OBI1: variants seen among roughly 807,000 people sequenced by gnomAD.
OBI1 encodes ring finger protein 219.
Under a neutral mutation model 62.4 loss-of-function variants are expected in OBI1, and 59 were observed. The ratio of observed to expected loss-of-function variants is 0.95; its 90% CI spans 0.77 to 1.17. The LOEUF is 1.17. OBI1 is among the 50% of genes most tolerant of loss of function. OBI1 has a pLI of 0.00. For synonymous variants in OBI1, 302 were observed against 292.8 expected (o/e 1.03, Z -0.32); for missense variants, 875 against 830.9 (o/e 1.05, Z -0.65).
At chr13:78,634,121 CA>C (rs570807043) in intron 5 of OBI1, among the ~76,000 whole-genome samples, 28 of 145,080 alleles carry the variant, frequency 1.9e-4, no homozygotes, top group African/African-American at 5.8e-4. Context: ...AAACAAACAA[CA>C]AAAAAAAACA....
At chr13:78,648,642 G>A (rs748365262) in intron 1 of OBI1, among the ~76,000 whole-genome samples, 3 of 152,092 alleles carry the variant, frequency 2.0e-5, no homozygotes, top group East Asian at 1.9e-4. Flanking sequence ...GGTCGGGCAC[G>A]GTGGCTCACT....
chr13:78,659,148 G>T lies in OBI1; in HGVS notation c.-28C>A. The stretch of plus-strand genomic sequence containing the variant: ...CAGCGTTCAGAATCCCGCCAACACG[G>T]AAGTCCCGCCGACCTACCGCTACTC... On this transcript the variant is annotated 5_prime_UTR_variant, in exon 1 of 6. Coordinates refer to ENST00000282003, the MANE Select transcript of OBI1 (RefSeq NM_024546.4). The T allele has an allele frequency of 6.2e-7, 1 of 1,604,606 alleles. No individual in the cohort carries two copies. The highest frequency in any genetic ancestry group is 8.5e-7 in the Non-Finnish European group (1 of 1,174,940).
rs1875217212 is a variant in OBI1 at position 78,615,222 on chromosome 13, C to G, written c.*358G>C. On this transcript the variant is annotated 3_prime_UTR_variant, in exon 6 of 6. Coordinates refer to ENST00000282003, the MANE Select transcript of OBI1 (RefSeq NM_024546.4). Reference sequence around the variant, plus strand: ...CTTATCAACAGGCCACTGTATCTAACAGTTAAATAACATTTTTTAAAAAAA... The same window carrying G: ...CTTATCAACAGGCCACTGTATCTAAGAGTTAAATAACATTTTTTAAAAAAA... 5.8e-6 allele frequency: 1 copy of G among 173,060 alleles called. No individual in the cohort carries two copies. The highest frequency in any genetic ancestry group is 1.2e-5 in the Non-Finnish European group (1 of 81,382). The allele number at this position is 173,060 out of a possible 1,614,324, so 10.7% of individuals were successfully genotyped here. A position where few individuals can be genotyped will look rare whatever the true frequency, so the allele number is the denominator to read the frequency against.
chr13:78,649,581 T>C (rs758384486), intron 1 of OBI1, among the ~76,000 whole-genome samples: 21 of 152,212 alleles, frequency 1.4e-4, no homozygotes, highest in Non-Finnish European at 1.5e-5. Context: ...AATTCTTTCA[T>C]GTTTTGCTGT....
At chr13:78,645,687 G>C (rs1033195498) in intron 1 of OBI1, among the ~76,000 whole-genome samples, 1 of 151,774 alleles carries the variant, frequency 6.6e-6, no homozygotes, top group Non-Finnish European at 1.5e-5. Flanking sequence ...GTCTCGCTCT[G>C]TTACCCAGGC....
chr13:78,654,044 A>C (rs1876624366), intron 1 of OBI1, among the ~76,000 whole-genome samples: 1 of 151,428 alleles, frequency 6.6e-6, no homozygotes, highest in South Asian at 2.1e-4. Context: ...AAAAAAAAAA[A>C]AAACCTGTGT....
chr13:78,642,284 T>C, intron 2 of OBI1, 71 bp from the exon 3 acceptor site: 5 of 934,226 alleles, frequency 5.4e-6, no homozygotes, highest in Non-Finnish European at 8.5e-6. Context: ...TCCTTTTTCA[T>C]ATTGTTTTAT....
rs1011726545 is a variant in OBI1 at position 78,645,711 on chromosome 13, C to T, written c.73-714G>A. ...TGTTACCCAGGCTGGAGTACAGTGG[C>T]ACCATCTAGGCTCACTGCAACCTCT... On this transcript the variant is annotated intron_variant, in intron 1 of 5. Transcript: ENST00000282003. Among the ~76,000 whole-genome samples the T allele has an allele frequency of 5.3e-5, 8 of 152,220 alleles. 1 individual carries two copies. The highest frequency in any genetic ancestry group is 1.5e-5 in the Non-Finnish European group (1 of 68,020).
rs1172750294 is a variant in OBI1, at chr13:78,617,108, G to A, written c.653C>T (p.Ala218Val). The A allele has an allele frequency of 6.4e-7, 1 of 1,555,420 alleles. No homozygotes were observed. The highest frequency in any genetic ancestry group is 1.4e-5 in the African/African-American group (1 of 72,356). ...TACTTTGGACTGAAGAGCAGCAACT[G>A]CAAACCTTCCAAACCTACAAAGAAT... Reference protein sequence around the residue: ...NRSPQKFGRFAVAALQSKVEQ... With the variant: ...NRSPQKFGRFVVAALQSKVEQ... The change falls in exon 6 of 6, where the codon GCA (alanine) becomes GTA (valine). Residue 218 changes from alanine (A) to valine (V), a missense_variant. Physicochemically the swap from Ala to Val is moderately conservative, Grantham distance 64. Coordinates refer to ENST00000282003, the MANE Select transcript of OBI1 (RefSeq NM_024546.4).
At chr13:78,655,797 G>A (rs1410082066) in intron 1 of OBI1, among the ~76,000 whole-genome samples, 1 of 152,152 alleles carries the variant, frequency 6.6e-6, no homozygotes, top group Non-Finnish European at 1.5e-5. Flanking sequence ...TAGGCACGAA[G>A]GACCTTAGGA....
At chr13:78,633,911 C>CA (rs1458826668) in intron 5 of OBI1, among the ~76,000 whole-genome samples, 1 of 151,638 alleles carries the variant, frequency 6.6e-6, no homozygotes, top group African/African-American at 2.4e-5. Flanking sequence ...ACTAAAAATA[C>CA]AAAAAATTAG....
chr13:78,639,594 A>G (rs1876144244), intron 3 of OBI1, among the ~76,000 whole-genome samples: 1 of 147,578 alleles, frequency 6.8e-6, no homozygotes, highest in South Asian at 2.2e-4. Flanking sequence ...AACCAACCCA[A>G]ATGTCCAACA....
Position 78,616,578 on chromosome 13 carries a change from G to A in OBI1, c.1183C>T (p.Leu395Phe). The change falls in exon 6 of 6, where the codon CTT becomes TTT. Residue 395 changes from leucine (L) to phenylalanine (F), a missense_variant. Coordinates refer to ENST00000282003, the MANE Select transcript of OBI1 (RefSeq NM_024546.4). ...DLPAPCTPLS[L>F]SCLQLSTPEN... ...GGAGTACTGAGCTGAAGGCAACTAAGGGACAAAGGAGTACAAGGAGCTGGA... is the reference window on the plus strand; with the variant it reads ...GGAGTACTGAGCTGAAGGCAACTAAAGGACAAAGGAGTACAAGGAGCTGGA... 1 of 1,614,094 alleles carries A rather than the reference G, an allele frequency of 6.2e-7. No individual in the cohort carries two copies. The highest frequency in any genetic ancestry group is 8.5e-7 in the Non-Finnish European group (1 of 1,180,032).
chr13:78,641,453 A>T (rs1319891093), intron 3 of OBI1, among the ~76,000 whole-genome samples: 1 of 152,148 alleles, frequency 6.6e-6, no homozygotes, highest in Non-Finnish European at 1.5e-5. Context: ...TCAAGAGGGG[A>T]TCGATATCTC....
At chr13:78,626,796 G>A (rs1471248000) in intron 5 of OBI1, among the ~76,000 whole-genome samples, 2 of 152,178 alleles carry the variant, frequency 1.3e-5, no homozygotes, top group African/African-American at 4.8e-5. Flanking sequence ...GGCCAGGCGT[G>A]GTGGCTCACA....
At chr13:78,647,621 T>C (rs771420303) in intron 1 of OBI1, among the ~76,000 whole-genome samples, 2 of 152,248 alleles carry the variant, frequency 1.3e-5, no homozygotes, top group African/African-American at 4.8e-5. Flanking sequence ...CAATAAATAC[T>C]GAGGGAACTC....
chr13:78,642,357 C>T (rs1876244820), intron 2 of OBI1, 144 bp from the exon 3 acceptor site: 2 of 536,266 alleles, frequency 3.7e-6, no homozygotes, highest in African/African-American at 3.8e-5. Flanking sequence ...TACATCTAGG[C>T]CTTTTCTCTA....
chr13:78,623,369 CAAT>C (rs988143018), intron 5 of OBI1, among the ~76,000 whole-genome samples: 22 of 150,992 alleles, frequency 1.5e-4, no homozygotes, highest in Admixed American at 4.6e-4. Flanking sequence ...CTACTATTGA[CAAT>C]GATGATGACA....
At chr13:78,630,102 T>C (rs115068568) in intron 5 of OBI1, among the ~76,000 whole-genome samples, 1 of 152,162 alleles carries the variant, frequency 6.6e-6, no homozygotes, top group Non-Finnish European at 1.5e-5. Context: ...AAGTTCTTTT[T>C]GATAAAGATC....
Sources: allele counts gnomAD v4.1 joint callset (sites outside exome capture counted in the v4.1 genomes callset), GRCh38; gene constraint gnomAD v4.1.1; transcripts MANE v1.5; gene names NCBI Gene and HGNC (gene_info 2026-07-23, HGNC 2026-07-21).